The following GFRA1 variants were observed in gnomAD, a reference collection of about 807,000 sequenced individuals.
GFRA1 encodes GDNF family receptor alpha 1.
A neutral mutation model predicts 51.6 loss-of-function variants in GFRA1; 16 were observed. The observed-to-expected ratio is 0.31, with a 90% CI of 0.21 to 0.47. The LOEUF (loss-of-function observed/expected upper bound fraction) is 0.47, where lower values mean the gene tolerates loss of function less well. GFRA1 is among the 20% of genes least tolerant of loss of function. The probability of loss-of-function intolerance (pLI) is 1.00; values close to 1 mark genes in which losing one functional copy is unlikely to be tolerated. For missense variants in GFRA1, 530 were observed against 594.3 expected, an observed-to-expected ratio of 0.89 and a Z score of 1.13; for synonymous variants, 270 against 241.3, an observed-to-expected ratio of 1.12 and a Z score of -1.10.
intron 5 of GFRA1, among the ~76,000 whole-genome samples, chr10:116,163,533 A>G (rs530393653): frequency 1.6e-3 from 249 of 152,264 alleles, no homozygotes; most frequent in Non-Finnish European, 2.7e-3. Context: ...ATTCATGCAA[A>G]TTCATGAATA....
chr10:116,165,903 A>G lies in GFRA1; in HGVS notation c.434-40346T>C, dbSNP rs562475398. Among the ~76,000 whole-genome samples, 55 of 152,306 alleles carry G rather than the reference A, an allele frequency of 3.6e-4. No individual in the cohort carries two copies. The South Asian group carries it at 9.4e-3, about 26-fold the overall frequency. ...AGATTATTTCATCACCCAGGTATTAAGCCTAGTATCCATTGGTTATTTTTT... is the reference window on the plus strand; with the variant it reads ...AGATTATTTCATCACCCAGGTATTAGGCCTAGTATCCATTGGTTATTTTTT... On this transcript the variant is annotated intron_variant, in intron 5 of 10. Coordinates refer to ENST00000355422, the MANE Select transcript of GFRA1 (RefSeq NM_005264.8).
At chr10:116,191,981 C>T (rs567270808) in intron 5 of GFRA1, among the ~76,000 whole-genome samples, 2 of 152,254 alleles carry the variant, frequency 1.3e-5, no homozygotes, top group African/African-American at 2.4e-5. Context: ...GAGCCGAGAT[C>T]GCGCCATTGC....
At chr10:116,074,275 A>G (rs1211459248) in intron 9 of GFRA1, among the ~76,000 whole-genome samples, 1 of 152,184 alleles carries the variant, frequency 6.6e-6, no homozygotes, top group East Asian at 1.9e-4. Context: ...AAATCAATGC[A>G]TATTGACTCC....
At chr10:116,192,528 C>T (rs1963364054) in intron 5 of GFRA1, among the ~76,000 whole-genome samples, 1 of 152,158 alleles carries the variant, frequency 6.6e-6, no homozygotes, top group South Asian at 2.1e-4. Context: ...TCGTCCAAGG[C>T]AAACACAGAG....
chr10:116,203,051 G>A (rs894530222), intron 5 of GFRA1, among the ~76,000 whole-genome samples: 2 of 152,092 alleles, frequency 1.3e-5, no homozygotes, highest in Non-Finnish European at 2.9e-5. Flanking sequence ...GGGGAGGGGT[G>A]CTAGAAATGA....
intron 9 of GFRA1, among the ~76,000 whole-genome samples, chr10:116,083,250 A>G (rs965833216): frequency 6.6e-6 from 1 of 152,200 alleles, no homozygotes. Context: ...GGGTAAGGAC[A>G]GGGGGTGAAC....
At chr10:116,250,526 C>A (rs746972519) in intron 4 of GFRA1, among the ~76,000 whole-genome samples, 1 of 152,164 alleles carries the variant, frequency 6.6e-6, no homozygotes, top group Non-Finnish European at 1.5e-5. Flanking sequence ...GAGCCTAGCA[C>A]TAGAGGAGTG....
intron 5 of GFRA1, among the ~76,000 whole-genome samples, chr10:116,130,835 A>T (rs1332872303): frequency 6.6e-6 from 1 of 152,158 alleles, no homozygotes; most frequent in Non-Finnish European, 1.5e-5. Flanking sequence ...CTTTTAGAAG[A>T]AACATAAGAT....
At chr10:116,208,318 T>C (rs1020712511) in intron 5 of GFRA1, among the ~76,000 whole-genome samples, 3 of 152,064 alleles carry the variant, frequency 2.0e-5, no homozygotes, top group Admixed American at 6.6e-5. Context: ...ATTCACCTTA[T>C]TTGTAAACTT....
At chr10:116,196,372 C>T (rs1326902976) in intron 5 of GFRA1, among the ~76,000 whole-genome samples, 1 of 150,078 alleles carries the variant, frequency 6.7e-6, no homozygotes, top group Non-Finnish European at 1.5e-5. Flanking sequence ...GCCTGTAATC[C>T]CAGCTACTAG....
At chr10:116,263,223 T>G (rs1181267779) in intron 4 of GFRA1, among the ~76,000 whole-genome samples, 1 of 152,170 alleles carries the variant, frequency 6.6e-6, no homozygotes, top group African/African-American at 2.4e-5. Context: ...ATCATCATTC[T>G]CTGATGGGGC....
chr10:116,252,669 A>G (rs574364878), intron 4 of GFRA1, among the ~76,000 whole-genome samples: 56 of 152,306 alleles, frequency 3.7e-4, no homozygotes, highest in Non-Finnish European at 6.2e-4. Context: ...CACACGGACT[A>G]CCTGCCCTTC....
rs1800261726 is a variant in GFRA1 at position 116,057,789 on chromosome 10, C to T, written c.*6609G>A. 6.6e-6 allele frequency: 1 copy of T among 150,790 alleles called. No homozygotes were observed. The highest frequency in any genetic ancestry group is 6.6e-5 in the Admixed American group (1 of 15,116). 9.3% of individuals were successfully genotyped at this position (150,790 alleles called of 1,614,324 possible). A position where few individuals can be genotyped will look rare whatever the true frequency, so the allele number is the denominator to read the frequency against. The stretch of plus-strand genomic sequence containing the variant: ...TCAGCTCTTCCTGAATCCAGAAAAG[C>T]ACATCAGAAATGCCCAATGACAGAC... On this transcript the variant is annotated 3_prime_UTR_variant, in exon 11 of 11. Transcript: ENST00000355422.
At position 116,078,198 on chromosome 10, in the gene GFRA1, T is replaced by C. The variant is rs146693573; in HGVS notation, c.1197+11543A>G. On this transcript the variant is annotated intron_variant, in intron 9 of 10. Transcript: ENST00000355422. ...ATGTAGTTGAGCATGCTGGCTTGTATGGCAGCCTTAACAGGGTAATACCCA... is the reference window on the plus strand; with the variant it reads ...ATGTAGTTGAGCATGCTGGCTTGTACGGCAGCCTTAACAGGGTAATACCCA... Among the ~76,000 whole-genome samples the C allele has an allele frequency of 5.8e-3, 878 of 152,334 alleles. 9 individuals carry two copies. Among genetic ancestry groups the C allele is most frequent in the African/African-American group, 0.02 (833 of 41,576 alleles).
intron 5 of GFRA1, among the ~76,000 whole-genome samples, chr10:116,146,963 G>T (rs1958826641): frequency 1.3e-5 from 2 of 152,210 alleles, no homozygotes; most frequent in Non-Finnish European, 2.9e-5. Flanking sequence ...TAGCTTCACA[G>T]GAAATACACC....
At chr10:116,134,551 C>T (rs930536844) in intron 5 of GFRA1, among the ~76,000 whole-genome samples, 2 of 152,148 alleles carry the variant, frequency 1.3e-5, no homozygotes, top group African/African-American at 4.8e-5. Context: ...ATTTAAAAAG[C>T]ACATGTTGGC....
chr10:116,075,655 A>G (rs1247648335), intron 9 of GFRA1, among the ~76,000 whole-genome samples: 2 of 152,184 alleles, frequency 1.3e-5, no homozygotes, highest in African/African-American at 4.8e-5. Context: ...TTCTTAAAAA[A>G]AAATCAACAC....
rs116336603 is a variant in GFRA1, at chr10:116,182,252, A to G, written c.433+29379T>C. Among the ~76,000 whole-genome samples the G allele has an allele frequency of 3.6e-3, 551 of 152,300 alleles. 4 individuals carry two copies. The highest frequency in any genetic ancestry group is 0.011 in the African/African-American group (460 of 41,558). On this transcript the variant is annotated intron_variant, in intron 5 of 10. Transcript: ENST00000355422. ...GTTCCATAAACCAAGGGGAATGACT[A>G]ACTGACCTAATGATAACAATAATAG... is the stretch of plus-strand genomic sequence containing the variant.
intron 9 of GFRA1, among the ~76,000 whole-genome samples, chr10:116,083,192 G>C (rs534176437): frequency 5.9e-5 from 9 of 152,342 alleles, no homozygotes; most frequent in African/African-American, 2.2e-4. Flanking sequence ...GAAAAGGAAA[G>C]TGCGGAAGAA....
Sources: allele counts gnomAD v4.1 joint callset (sites outside exome capture counted in the v4.1 genomes callset), GRCh38; gene constraint gnomAD v4.1.1; transcripts MANE v1.5; gene names NCBI Gene and HGNC (gene_info 2026-07-23, HGNC 2026-07-21).